The following PCDH11X variants were observed in gnomAD, a reference collection of about 807,000 sequenced individuals.
PCDH11X encodes protocadherin-11 X-linked.
PCDH11X carries 18 observed loss-of-function variants against 53.3 expected under a neutral mutation model. That is an observed-to-expected ratio of 0.34 (90% confidence interval 0.23 to 0.50). The LOEUF (loss-of-function observed/expected upper bound fraction) is 0.50, where lower values mean the gene tolerates loss of function less well. Among genes scored for constraint, PCDH11X ranks in the 20% least tolerant of loss-of-function variants. PCDH11X has a pLI of 0.98. For synonymous variants in PCDH11X, 279 were observed against 393.3 expected, an observed-to-expected ratio of 0.71 and a Z score of 3.44; for missense variants, 570 against 1,032.4, an observed-to-expected ratio of 0.55 and a Z score of 6.14.
At chrX:92,520,961 C>T (rs1181942544) in intron 10 of PCDH11X, among the ~76,000 whole-genome samples, 4 of 111,399 alleles carry the variant, frequency 3.6e-5, no homozygotes, top group Non-Finnish European at 5.6e-5. Context: ...TCAGGCTGCA[C>T]TTTTAATTCT....
chrX:92,415,661 C>A (rs974041079), intron 9 of PCDH11X, among the ~76,000 whole-genome samples: 5 of 110,211 alleles, frequency 4.5e-5, no homozygotes, highest in African/African-American at 1.7e-4. Context: ...GACTTTAAAG[C>A]TGAATTGCAT....
rs755355379 is a variant in PCDH11X at position 92,580,478 on chromosome X, G to A, written c.3368-37786G>A. On this transcript the variant is annotated intron_variant, in intron 10 of 10. Coordinates refer to ENST00000682573, the MANE Select transcript of PCDH11X (RefSeq NM_032968.5). ...CAATGAGGCCCGACTCAGTGAAGAG[G>A]GATGGATCCTAGTCCCATCTAAAGA... Among the ~76,000 whole-genome samples, 3 of 107,458 alleles carry A rather than the reference G, an allele frequency of 2.8e-5. No homozygotes were observed. In the Admixed American group the frequency reaches 2.9e-4, roughly 10 times the overall value. 93.3% of individuals were successfully genotyped at this position (107,458 alleles called of 115,157 possible). A position where few individuals can be genotyped will look rare whatever the true frequency, so the allele number is the denominator to read the frequency against.
intron 6 of PCDH11X, among the ~76,000 whole-genome samples, chrX:92,125,654 A>AT (rs2064847688): frequency 1.8e-5 from 2 of 109,880 alleles, no homozygotes; most frequent in South Asian, 7.6e-4. Context: ...TTTGTTTTTT[A>AT]TTTTTTTATT....
intron 8 of PCDH11X, among the ~76,000 whole-genome samples, chrX:92,282,009 A>C (rs543025205): frequency 9.0e-6 from 1 of 110,786 alleles, no homozygotes; most frequent in Non-Finnish European, 1.9e-5. Context: ...CTGAATTACT[A>C]TGAGGAAAAT....
intron 6 of PCDH11X, among the ~76,000 whole-genome samples, chrX:91,936,555 A>G (rs1471438787): frequency 4.7e-5 from 5 of 106,823 alleles, no homozygotes; most frequent in Admixed American, 2.1e-4. Flanking sequence ...ATATAATATA[A>G]TATATATTAT....
At chrX:91,944,775 C>G (rs1027728171) in intron 6 of PCDH11X, among the ~76,000 whole-genome samples, 2 of 108,384 alleles carry the variant, frequency 1.8e-5, no homozygotes, top group Non-Finnish European at 3.8e-5. Context: ...CATTTAGCAT[C>G]GTATTTTCAT....
intron 9 of PCDH11X, among the ~76,000 whole-genome samples, chrX:92,441,075 G>T (rs1411107047): frequency 9.1e-6 from 1 of 110,212 alleles, no homozygotes; most frequent in African/African-American, 3.3e-5. Flanking sequence ...CTGCTCTAGG[G>T]ATTTGTGGTA....
chrX:92,152,422 T>C (rs1445734323), intron 6 of PCDH11X, among the ~76,000 whole-genome samples: 1 of 111,913 alleles, frequency 8.9e-6, no homozygotes, highest in Non-Finnish European at 1.9e-5. Flanking sequence ...TTAAATCAAA[T>C]GTATATTTTC....
At chrX:92,003,560 A>G (rs2062547891) in intron 6 of PCDH11X, among the ~76,000 whole-genome samples, 1 of 97,121 alleles carries the variant, frequency 1.0e-5, no homozygotes, top group East Asian at 3.3e-4. Context: ...TTATGGCTTC[A>G]ATCTCATTAC....
At chrX:92,344,459 A>G (rs2069840731) in intron 8 of PCDH11X, among the ~76,000 whole-genome samples, 1 of 100,390 alleles carries the variant, frequency 1.0e-5, no homozygotes, top group Non-Finnish European at 2.0e-5. Context: ...CCCTTGTAAT[A>G]GGCTGCTTTT....
intron 9 of PCDH11X, among the ~76,000 whole-genome samples, chrX:92,448,572 A>C (rs2148643967): frequency 1.1e-5 from 1 of 93,702 alleles, no homozygotes; most frequent in African/African-American, 4.0e-5. Flanking sequence ...TATGTTCATT[A>C]AACCCTTTTC....
chrX:92,287,833 G>A (rs1018098248), intron 8 of PCDH11X: 1 of 442,201 alleles, frequency 2.3e-6, no homozygotes, highest in African/African-American at 2.5e-5. Flanking sequence ...CTGGTGGGAA[G>A]TGATTGGCTC....
At chrX:92,237,849 A>G (rs1294296121) in intron 7 of PCDH11X, among the ~76,000 whole-genome samples, 1 of 111,693 alleles carries the variant, frequency 9.0e-6, no homozygotes, top group Non-Finnish European at 1.9e-5. Context: ...TGAATAATAC[A>G]AGTCAGCAAC....
chrX:91,971,713 C>G (rs2061962760), intron 6 of PCDH11X, among the ~76,000 whole-genome samples: 1 of 111,941 alleles, frequency 8.9e-6, no homozygotes, highest in African/African-American at 3.2e-5. Context: ...AGCTGTCAGA[C>G]AAACCCATAA....
intron 5 of PCDH11X, among the ~76,000 whole-genome samples, chrX:91,843,349 G>A (rs1366553033): frequency 9.9e-6 from 1 of 100,828 alleles, no homozygotes; most frequent in African/African-American, 3.7e-5. Context: ...TTGCTCTGTC[G>A]CCCAGGCTAG....
intron 6 of PCDH11X, among the ~76,000 whole-genome samples, chrX:92,152,910 GC>G (rs1467856196): frequency 9.2e-6 from 1 of 108,702 alleles, no homozygotes; most frequent in Non-Finnish European, 1.9e-5. Context: ...TGCTTCTCCT[GC>G]CTCAGTCTCC....
At chrX:92,556,291 C>G in intron 10 of PCDH11X, among the ~76,000 whole-genome samples, 1 of 111,166 alleles carries the variant, frequency 9.0e-6, no homozygotes, top group Middle Eastern at 4.6e-3. Flanking sequence ...CTCATTCCAG[C>G]ATTAACCCAA....
chrX:92,404,716 T>C (rs1371845458), intron 9 of PCDH11X, among the ~76,000 whole-genome samples: 3 of 106,221 alleles, frequency 2.8e-5, no homozygotes, highest in Non-Finnish European at 5.8e-5. Context: ...GGATTGCAAC[T>C]TACCTCCTTC....
intron 6 of PCDH11X, among the ~76,000 whole-genome samples, chrX:92,146,012 A>G (rs1407833863): frequency 9.4e-6 from 1 of 106,074 alleles, no homozygotes; most frequent in Non-Finnish European, 1.9e-5. Context: ...TTGTCTTGCA[A>G]ATGTGCTTTG....
Sources: allele counts gnomAD v4.1 joint callset (sites outside exome capture counted in the v4.1 genomes callset), GRCh38; gene constraint gnomAD v4.1.1; transcripts MANE v1.5; gene names NCBI Gene and HGNC (gene_info 2026-07-23, HGNC 2026-07-21).